Variants in CWC22 observed in about 807,000 individuals in gnomAD.
CWC22 encodes the protein pre-mRNA-splicing factor CWC22 homolog.
In CWC22, 53 loss-of-function variants were observed where a neutral mutation model predicts 117.2. The ratio of observed to expected loss-of-function variants is 0.45; its 90% CI spans 0.36 to 0.57. CWC22 has a LOEUF of 0.57. CWC22 is among the 20% of genes least tolerant of loss of function. The probability of loss-of-function intolerance (pLI) is 0.00; values close to 1 mark genes in which losing one functional copy is unlikely to be tolerated. For missense variants in CWC22, 980 were observed against 1,068.8 expected, an observed-to-expected ratio of 0.92 and a Z score of 1.16; for synonymous variants, 360 against 355.6, an observed-to-expected ratio of 1.01 and a Z score of -0.14.
At chr2:179,994,517 T>C (rs906151637) in intron 1 of CWC22, among the ~76,000 whole-genome samples, 1 of 152,174 alleles carries the variant, frequency 6.6e-6, no homozygotes, top group South Asian at 2.1e-4. Flanking sequence ...CACATACAAA[T>C]AGTCTTGACA....
chr2:179,971,163 T>C lies in CWC22; in HGVS notation c.805-87A>G, dbSNP rs922514797. 6 of 962,450 alleles carry C rather than the reference T, an allele frequency of 6.2e-6. No homozygotes were observed. In the African/African-American group the frequency reaches 1.0e-4, roughly 16 times the overall value. 59.6% of individuals were successfully genotyped at this position (962,450 alleles called of 1,614,324 possible). A position where few individuals can be genotyped will look rare whatever the true frequency, so the allele number is the denominator to read the frequency against. On this transcript the variant is annotated intron_variant, in intron 8 of 19. Coordinates refer to ENST00000410053, the MANE Select transcript of CWC22 (RefSeq NM_020943.3). ...TATAATTTCTAAAAATTAGTAAATC[T>C]GTTTACAATAATTATATTGCACATA...
chr2:179,983,802 A>G (rs17174884), intron 4 of CWC22, among the ~76,000 whole-genome samples: 22,386 of 152,012 alleles, frequency 0.15, 2,019 homozygotes, highest in Admixed American at 0.29. Flanking sequence ...TAAGTTCTCT[A>G]CACTAATTTG....
intron 14 of CWC22, among the ~76,000 whole-genome samples, chr2:179,957,608 G>A (rs1368629099): frequency 2.0e-5 from 3 of 152,132 alleles, no homozygotes; most frequent in Non-Finnish European, 4.4e-5. Flanking sequence ...ATTTTTAAAG[G>A]CTTTGGACAA....
At chr2:179,982,172 A>G (rs1687302825) in intron 4 of CWC22, among the ~76,000 whole-genome samples, 175 bp from the exon 5 acceptor site, 1 of 152,198 alleles carries the variant, frequency 6.6e-6, no homozygotes, top group South Asian at 2.1e-4. Context: ...TAGGTCCTGA[A>G]GGCTTGACAG....
chr2:179,957,092 A>G (rs1439569601), intron 14 of CWC22, among the ~76,000 whole-genome samples: 1 of 152,174 alleles, frequency 6.6e-6, no homozygotes, highest in Non-Finnish European at 1.5e-5. Context: ...TTCTCAATGA[A>G]TATTAATACA....
intron 5 of CWC22, 39 bp downstream of exon 5, chr2:179,981,713 C>A (rs1575652235): frequency 6.4e-7 from 1 of 1,553,888 alleles, no homozygotes. Flanking sequence ...TTTTCAATGA[C>A]AATTTCATGG....
At chr2:179,957,982 A>G (rs1014937699) in intron 14 of CWC22, among the ~76,000 whole-genome samples, 2 of 152,172 alleles carry the variant, frequency 1.3e-5, no homozygotes, top group African/African-American at 4.8e-5. Flanking sequence ...AGATGGAGCT[A>G]TCTTGTGGTG....
chr2:179,968,312 T>C (rs760347603), intron 11 of CWC22, among the ~76,000 whole-genome samples: 46 of 152,130 alleles, frequency 3.0e-4, no homozygotes, highest in Admixed American at 1.3e-4. Context: ...TTGTTAAATA[T>C]TGGCATTTAT....
chr2:179,990,546 CAGAG>C (rs3082436), intron 2 of CWC22, among the ~76,000 whole-genome samples: 115,259 of 144,802 alleles, frequency 0.8, 45,563 homozygotes, highest in Middle Eastern at 0.87. Context: ...GTGAGACAGA[CAGAG>C]AGAGAGAGAG....
intron 3 of CWC22, 25 bp from the exon 4 acceptor site, chr2:179,986,830 T>C: frequency 7.3e-7 from 1 of 1,368,710 alleles, no homozygotes; most frequent in Non-Finnish European, 1.0e-6. Flanking sequence ...GAAAACCAAG[T>C]TGCAAATTAA....
At chr2:179,979,496 A>G (rs1030214962) in intron 5 of CWC22, among the ~76,000 whole-genome samples, 1 of 152,160 alleles carries the variant, frequency 6.6e-6, no homozygotes, top group Non-Finnish European at 1.5e-5. Flanking sequence ...CTTGAATTCT[A>G]TTCATGGACC....
chr2:180,002,073 C>T (rs1189872274), intron 1 of CWC22, among the ~76,000 whole-genome samples: 1 of 152,228 alleles, frequency 6.6e-6, no homozygotes, highest in Admixed American at 6.5e-5. Flanking sequence ...AGCCAATCTT[C>T]TCTAGAGTTC....
At chr2:180,001,544 G>T (rs901966536) in intron 1 of CWC22, among the ~76,000 whole-genome samples, 4 of 152,070 alleles carry the variant, frequency 2.6e-5, no homozygotes, top group African/African-American at 9.7e-5. Flanking sequence ...TGGCCAGGCT[G>T]GTCTCAAACT....
rs1687480528 is a variant in CWC22, at chr2:179,988,609, A to G, written c.63T>C (p.Asn21=). The G allele has an allele frequency of 2.0e-6, 3 of 1,532,178 alleles. No individual in the cohort carries two copies. The highest frequency in any genetic ancestry group is 2.4e-5 in the East Asian group (1 of 42,224). The allele number at this position is 1,532,178 out of a possible 1,614,324, so 94.9% of individuals were successfully genotyped here. ...SSGHDRRENL[N]SYQRNSSPED... Reference sequence around the variant, plus strand: ...CTGGAGAGGAGTTCCTCTGATATGAATTAAGGTTTTCCCTTCTGTCATGAC... The same window carrying G: ...CTGGAGAGGAGTTCCTCTGATATGAGTTAAGGTTTTCCCTTCTGTCATGAC... Residue 21 remains asparagine, a synonymous_variant, in exon 3 of 20, where the codon AAT becomes AAC. Coordinates refer to ENST00000410053, the MANE Select transcript of CWC22 (RefSeq NM_020943.3).
At chr2:179,955,120 G>T in intron 14 of CWC22, 86 bp from the exon 15 acceptor site, 2 of 959,498 alleles carry the variant, frequency 2.1e-6, no homozygotes, top group Non-Finnish European at 3.2e-6. Context: ...GTGACTGCCT[G>T]CATTTTTAAA....
At chr2:179,974,068 C>T (rs1340985133) in intron 6 of CWC22, among the ~76,000 whole-genome samples, 3 of 152,036 alleles carry the variant, frequency 2.0e-5, no homozygotes, top group African/African-American at 4.8e-5. Context: ...CCTCTTTTCC[C>T]AGTCTGTTAT....
At chr2:179,964,313 C>T (rs932315759) in intron 13 of CWC22, among the ~76,000 whole-genome samples, 1 of 152,082 alleles carries the variant, frequency 6.6e-6, no homozygotes, top group Non-Finnish European at 1.5e-5. Flanking sequence ...AGCTAAAAAA[C>T]CATTTAATTA....
intron 8 of CWC22, among the ~76,000 whole-genome samples, chr2:179,971,429 A>G (rs1687030581): frequency 6.6e-6 from 1 of 152,122 alleles, no homozygotes; most frequent in African/African-American, 2.4e-5. Context: ...TAAGGTAATT[A>G]TTTTCATAAT....
At chr2:179,966,536 A>T (rs1469812972) in intron 11 of CWC22, among the ~76,000 whole-genome samples, 1 of 152,220 alleles carries the variant, frequency 6.6e-6, no homozygotes, top group African/African-American at 2.4e-5. Flanking sequence ...AAGACTTTTC[A>T]TATATAAAAC....
Sources: gnomAD v4.1 joint callset for allele counts (sites outside exome capture counted in the v4.1 genomes callset) on GRCh38, gnomAD v4.1.1 for gene constraint, MANE v1.5 for transcripts, NCBI Gene and HGNC (gene_info 2026-07-23, HGNC 2026-07-21) for gene names.